The following DIP2C variants were observed in gnomAD, a reference collection of about 807,000 sequenced individuals.
DIP2C encodes the protein disco-interacting protein 2 homolog C.
DIP2C carries 33 observed loss-of-function variants against 192.4 expected under a neutral mutation model. The ratio of observed to expected loss-of-function variants is 0.17; its 90% CI spans 0.13 to 0.23. The LOEUF (loss-of-function observed/expected upper bound fraction) is 0.23, where lower values mean the gene tolerates loss of function less well. DIP2C is among the 10% of genes least tolerant of loss of function. The pLI is 1.00. For synonymous variants in DIP2C, 979 were observed against 864.1 expected, an observed-to-expected ratio of 1.13 and a Z score of -2.33; for missense variants, 1,537 against 2,110.1, an observed-to-expected ratio of 0.73 and a Z score of 5.32.
intron 1 of DIP2C, among the ~76,000 whole-genome samples, chr10:497,249 A>C (rs574020519): frequency 3.3e-5 from 5 of 152,354 alleles, no homozygotes; most frequent in Admixed American, 3.3e-4. Flanking sequence ...TGTTCAGAAC[A>C]GGTTAGGCCA....
chr10:393,778 CAAAAAAAA>C (rs34390976), intron 10 of DIP2C, among the ~76,000 whole-genome samples: 30 of 66,724 alleles, frequency 4.5e-4, no homozygotes, highest in African/African-American at 1.3e-3. Flanking sequence ...GACTCCGTCT[CAAAAAAAA>C]AAAAAAAAAA....
chr10:529,653 G>A (rs933898271), intron 1 of DIP2C, among the ~76,000 whole-genome samples: 1 of 152,178 alleles, frequency 6.6e-6, no homozygotes, highest in African/African-American at 2.4e-5. Flanking sequence ...GCAGCACCTG[G>A]CTCCGTTGCA....
chr10:662,030 C>A (rs994206993), intron 1 of DIP2C: 33 of 715,874 alleles, frequency 4.6e-5, no homozygotes, highest in Non-Finnish European at 7.5e-5. Context: ...CCGCAGGAGC[C>A]TGGCCTGTCC....
At chr10:548,920 A>C (rs1328111377) in intron 1 of DIP2C, among the ~76,000 whole-genome samples, 2 of 124,634 alleles carry the variant, frequency 1.6e-5, no homozygotes, top group Non-Finnish European at 3.5e-5. Context: ...ACAAAAAAAA[A>C]AAAAAAAAAA....
At chr10:341,603 C>T (rs924718322) in intron 28 of DIP2C, among the ~76,000 whole-genome samples, 8 of 152,182 alleles carry the variant, frequency 5.3e-5, no homozygotes, top group African/African-American at 1.9e-4. Flanking sequence ...CGGGACAATA[C>T]GGGGCTGCAC....
intron 1 of DIP2C, chr10:663,023 G>C (rs2132090815): frequency 2.9e-6 from 2 of 694,366 alleles, no homozygotes; most frequent in South Asian, 1.6e-5. Flanking sequence ...GTCCAGGAAA[G>C]ACTCTAAACA....
At chr10:528,389 C>A (rs1425616661) in intron 1 of DIP2C, among the ~76,000 whole-genome samples, 2 of 150,946 alleles carry the variant, frequency 1.3e-5, no homozygotes, top group African/African-American at 2.4e-5. Context: ...GCAGCTCCCC[C>A]AGAACGCAGA....
chr10:366,880 T>C (rs1429473568), intron 18 of DIP2C, among the ~76,000 whole-genome samples: 1 of 152,138 alleles, frequency 6.6e-6, no homozygotes, highest in African/African-American at 2.4e-5. Context: ...TTGCACACGG[T>C]TCAATGCTGA....
Position 414,081 on chromosome 10 carries a change from G to A in DIP2C, c.889C>T (p.Pro297Ser). Reference protein sequence around the residue: ...VQQPDPNQPKPEGAQMLAMRG... With the variant: ...VQQPDPNQPKSEGAQMLAMRG... ...ATGGCCAGCATCTGGGCCCCCTCCG[G>A]CTTTGGTTGGTTCGGATCCGGTTGT... The change falls in exon 8 of 37, where the codon CCG becomes TCG. Residue 297 changes from proline (P) to serine (S), a missense_variant. By Grantham distance (74) the Pro-to-Ser change is moderately conservative (BLOSUM62 -1). Transcript: ENST00000280886. The A allele has an allele frequency of 6.2e-7, 1 of 1,613,806 alleles. No individual in the cohort carries two copies. Among genetic ancestry groups the A allele is most frequent in the Non-Finnish European group, 8.5e-7 (1 of 1,179,772 alleles).
chr10:582,751 G>A (rs866790564), intron 1 of DIP2C, among the ~76,000 whole-genome samples: 1 of 152,118 alleles, frequency 6.6e-6, no homozygotes, highest in Non-Finnish European at 1.5e-5. Flanking sequence ...AAGCACCAGC[G>A]TGGCCACGTG....
At chr10:303,561 T>C (rs938964593) in intron 32 of DIP2C, among the ~76,000 whole-genome samples, 1 of 152,160 alleles carries the variant, frequency 6.6e-6, no homozygotes, top group Non-Finnish European at 1.5e-5. Flanking sequence ...TTTGCTCTTG[T>C]TGACCAGACT....
At chr10:385,711 G>A (rs1314595302) in intron 14 of DIP2C, among the ~76,000 whole-genome samples, 1 of 152,180 alleles carries the variant, frequency 6.6e-6, no homozygotes, top group Non-Finnish European at 1.5e-5. Flanking sequence ...CAACACACCT[G>A]CCTCACACCG....
chr10:387,654 A>T, intron 14 of DIP2C, 91 bp downstream of exon 14: 1 of 937,016 alleles, frequency 1.1e-6, no homozygotes, highest in Non-Finnish European at 1.6e-6. Context: ...GTGTGGACAG[A>T]CAGTATGGGG....
intron 1 of DIP2C, among the ~76,000 whole-genome samples, chr10:558,126 G>T (rs1476638619): frequency 6.6e-6 from 1 of 152,192 alleles, no homozygotes. Context: ...AAATTGGAAA[G>T]ATAACGCATT....
intron 1 of DIP2C, among the ~76,000 whole-genome samples, chr10:623,218 G>C (rs1404289836): frequency 6.6e-6 from 1 of 151,874 alleles, no homozygotes. Context: ...TGTGCCGAGG[G>C]GATGCTGCAG....
At chr10:351,254 G>A (rs984914849) in intron 24 of DIP2C, among the ~76,000 whole-genome samples, 4 of 152,220 alleles carry the variant, frequency 2.6e-5, no homozygotes, top group African/African-American at 4.8e-5. Flanking sequence ...CTCCCAGCTC[G>A]AAGGGCCCGT....
At chr10:578,030 C>T (rs546158387) in intron 1 of DIP2C, among the ~76,000 whole-genome samples, 3 of 152,212 alleles carry the variant, frequency 2.0e-5, no homozygotes, top group Admixed American at 1.3e-4. Flanking sequence ...TTTTAAAAAT[C>T]CAAATAACTA....
chr10:657,922 T>TCCCTGGACCTGCCACTGGACCTGC (rs1856486727), intron 1 of DIP2C, among the ~76,000 whole-genome samples: 1 of 59,252 alleles, frequency 1.7e-5, no homozygotes, highest in African/African-American at 6.8e-5. Flanking sequence ...ACTGGACCTG[T>TCCCTGGACCTGCCACTGGACCTGC]CCCTGGACCT....
intron 32 of DIP2C, among the ~76,000 whole-genome samples, chr10:288,771 G>C (rs1027472705): frequency 2.6e-5 from 4 of 152,232 alleles, no homozygotes; most frequent in African/African-American, 9.6e-5. Flanking sequence ...CCACGACTGT[G>C]TTGCCTGGTC....
Sources: allele counts gnomAD v4.1 joint callset (sites outside exome capture counted in the v4.1 genomes callset), GRCh38; gene constraint gnomAD v4.1.1; transcripts MANE v1.5; gene names NCBI Gene and HGNC (gene_info 2026-07-23, HGNC 2026-07-21).